The following PASD1 variants were observed in gnomAD, a reference collection of about 807,000 sequenced individuals.
The protein encoded by PASD1 is circadian clock protein PASD1.
Under a neutral mutation model 58.8 loss-of-function variants are expected in PASD1, and 13 were observed. The ratio of observed to expected loss-of-function variants is 0.22; its 90% CI spans 0.14 to 0.35. The LOEUF (loss-of-function observed/expected upper bound fraction) is 0.35. PASD1 is among the 10% of genes least tolerant of loss of function. The pLI, the probability that PASD1 is intolerant of heterozygous loss-of-function variation, is 1.00. For missense variants in PASD1, 734 were observed against 568.3 expected (o/e 1.29, Z -2.96); for synonymous variants, 236 against 216.7 (o/e 1.09, Z -0.78).
At chrX:151,590,417 C>T in intron 1 of PASD1, among the ~76,000 whole-genome samples, 1 of 111,347 alleles carries the variant, frequency 9.0e-6, no homozygotes, top group South Asian at 3.9e-4. Context: ...TCTTGCTCCT[C>T]AGCCTGGTTT....
intron 1 of PASD1, among the ~76,000 whole-genome samples, chrX:151,590,156 CTA>C (rs1172638934): frequency 8.9e-6 from 1 of 111,765 alleles, no homozygotes; most frequent in Non-Finnish European, 1.9e-5. Context: ...AAATGTTACT[CTA>C]TTTGAAAATG....
intron 1 of PASD1, among the ~76,000 whole-genome samples, chrX:151,598,291 T>C (rs2013348673): frequency 1.8e-5 from 2 of 111,670 alleles, no homozygotes; most frequent in South Asian, 7.5e-4. Flanking sequence ...TTAATTGTAT[T>C]TGGGCCAGAA....
At chrX:151,649,008 A>G (rs916940272) in intron 9 of PASD1, among the ~76,000 whole-genome samples, 54 of 112,195 alleles carry the variant, frequency 4.8e-4, no homozygotes, top group African/African-American at 1.5e-3. Context: ...GTAGAAAGCC[A>G]TGAAGGCTAG....
At chrX:151,584,124 C>T (rs895102773) in intron 1 of PASD1, among the ~76,000 whole-genome samples, 7 of 111,590 alleles carry the variant, frequency 6.3e-5, no homozygotes, top group Non-Finnish European at 3.8e-5. Flanking sequence ...CTGAATCCCA[C>T]AGTAGACCAC....
At chrX:151,610,702 T>C (rs1318567076) in intron 3 of PASD1, among the ~76,000 whole-genome samples, 2 of 111,464 alleles carry the variant, frequency 1.8e-5, no homozygotes, top group Non-Finnish European at 3.8e-5. Flanking sequence ...ATTAGACATA[T>C]GGGGTCAGGA....
In PASD1 at chrX:151,615,838, T is replaced by C. The variant is rs141738141; in HGVS notation, c.207+4085T>C. Reference sequence around the variant, plus strand: ...TGACCTTTAGTTTCTCTTCTATAAGTGGGGAAATAATATTACTTAGAGAGT... The same window carrying C: ...TGACCTTTAGTTTCTCTTCTATAAGCGGGGAAATAATATTACTTAGAGAGT... On this transcript the variant is annotated intron_variant, in intron 4 of 15. Coordinates refer to ENST00000370357, the MANE Select transcript of PASD1 (RefSeq NM_173493.3). Among the ~76,000 whole-genome samples, 380 of 112,261 alleles carry C rather than the reference T, an allele frequency of 3.4e-3. 1 individual carries two copies. Among genetic ancestry groups the C allele is most frequent in the Non-Finnish European group, 5.4e-3 (287 of 53,213 alleles).
At chrX:151,588,042 AT>A (rs2013192489) in intron 1 of PASD1, among the ~76,000 whole-genome samples, 1 of 112,145 alleles carries the variant, frequency 8.9e-6, no homozygotes, top group African/African-American at 3.2e-5. Context: ...TTTCTCACTG[AT>A]TAAATGCCTT....
intron 8 of PASD1, among the ~76,000 whole-genome samples, chrX:151,632,668 T>TATCA (rs1183147434): frequency 8.9e-6 from 1 of 112,127 alleles, no homozygotes; most frequent in African/African-American, 3.2e-5. Context: ...TAATTCTACC[T>TATCA]ATCACCTTTG....
chrX:151,602,831 C>T (rs1182891462), intron 2 of PASD1, among the ~76,000 whole-genome samples: 1 of 112,217 alleles, frequency 8.9e-6, no homozygotes, highest in Non-Finnish European at 1.9e-5. Context: ...TCACTTCCTA[C>T]TGCTTTAACC....
At chrX:151,566,183 G>T (rs915564224) in intron 1 of PASD1, among the ~76,000 whole-genome samples, 6 of 112,416 alleles carry the variant, frequency 5.3e-5, no homozygotes, top group African/African-American at 1.9e-4. Context: ...GCAGCTTTTA[G>T]GGAGTCCATA....
intron 1 of PASD1, among the ~76,000 whole-genome samples, chrX:151,567,045 AAAATAAATAAATAAATAAATAAAT>A (rs370364202): frequency 5.3e-5 from 5 of 94,953 alleles, no homozygotes; most frequent in African/African-American, 1.2e-4. Context: ...ACTCCGTCTC[AAAATAAATAAATAAATAAATAAAT>A]AAATAAATAA....
chrX:151,583,120 A>G (rs2013121230), intron 1 of PASD1, among the ~76,000 whole-genome samples: 1 of 111,178 alleles, frequency 9.0e-6, no homozygotes, highest in South Asian at 3.8e-4. Context: ...AAGAGTGTTG[A>G]AAAAGGGCCA....
chrX:151,653,898 C>CTTTCTTTCTT (rs2014198669), intron 9 of PASD1, among the ~76,000 whole-genome samples: 2 of 57,000 alleles, frequency 3.5e-5, no homozygotes, highest in Admixed American at 4.8e-4. Flanking sequence ...TTCTTTCTTT[C>CTTTCTTTCTT]TTTCTTTCTT....
chrX:151,666,482 T>C lies in PASD1; in HGVS notation c.1071+2134T>C, dbSNP rs145531997. 8.8e-3 allele frequency among the ~76,000 whole-genome samples: 963 copies of C among 109,192 alleles called. 10 individuals carry two copies. The highest frequency in any genetic ancestry group is 0.031 in the African/African-American group (914 of 29,849). 94.8% of individuals were successfully genotyped at this position (109,192 alleles called of 115,157 possible). A position where few individuals can be genotyped will look rare whatever the true frequency, so the allele number is the denominator to read the frequency against. On this transcript the variant is annotated intron_variant, in intron 11 of 15. Transcript: ENST00000370357. The stretch of plus-strand genomic sequence containing the variant: ...ATGTACCATGTTGGTGTGCTGCACC[T>C]ATTAACTCATCATTTAACATTAGGT...
intron 1 of PASD1, among the ~76,000 whole-genome samples, chrX:151,568,568 C>T (rs1365471581): frequency 8.9e-6 from 1 of 112,184 alleles, no homozygotes; most frequent in East Asian, 2.8e-4. Flanking sequence ...CTTCTTTCTG[C>T]ATTGATATTT....
chrX:151,647,509 A>T (rs1021498995), intron 8 of PASD1, among the ~76,000 whole-genome samples: 1 of 109,075 alleles, frequency 9.2e-6, no homozygotes, highest in Non-Finnish European at 1.9e-5. Context: ...TAATATTAAC[A>T]ACATAAAATA....
chrX:151,645,884 G>A (rs2014054069), intron 8 of PASD1: 1 of 106,581 alleles, frequency 9.4e-6, no homozygotes, highest in African/African-American at 3.5e-5. Context: ...GCTTCTCTGT[G>A]ACTTTTAATT....
At chrX:151,651,330 C>T (rs1485517464) in intron 9 of PASD1, among the ~76,000 whole-genome samples, 1 of 112,255 alleles carries the variant, frequency 8.9e-6, no homozygotes, top group East Asian at 2.8e-4. Flanking sequence ...AGACAGGTTG[C>T]TCCTTAGCCA....
At chrX:151,599,499 C>T (rs2013374292) in intron 1 of PASD1, among the ~76,000 whole-genome samples, 1 of 111,679 alleles carries the variant, frequency 9.0e-6, no homozygotes, top group African/African-American at 3.2e-5. Context: ...ACGCTCCTCA[C>T]TTCCCAGACG....
Sources: gnomAD v4.1 joint callset for allele counts (sites outside exome capture counted in the v4.1 genomes callset) on GRCh38, gnomAD v4.1.1 for gene constraint, MANE v1.5 for transcripts, NCBI Gene and HGNC (gene_info 2026-07-23, HGNC 2026-07-21) for gene names.